Variants in TGS1 observed in about 807,000 individuals in gnomAD.
TGS1 encodes trimethylguanosine synthase.
In TGS1, 69 loss-of-function variants were observed where a neutral mutation model predicts 92.2. The observed-to-expected ratio is 0.75, with a 90% CI of 0.62 to 0.91. The LOEUF (loss-of-function observed/expected upper bound fraction) is 0.91. TGS1 is among the 40% of genes least tolerant of loss of function. The pLI is 0.00. For synonymous variants in TGS1, 345 were observed against 338.1 expected (o/e 1.02, Z -0.22); for missense variants, 1,062 against 1,001.2 (o/e 1.06, Z -0.82).
At chr8:55,781,925 G>A (rs1811575159) in intron 1 of TGS1, among the ~76,000 whole-genome samples, 1 of 152,110 alleles carries the variant, frequency 6.6e-6, no homozygotes, top group African/African-American at 2.4e-5. Flanking sequence ...TTTTTCTTAA[G>A]TATTCTGTTA....
intron 1 of TGS1, among the ~76,000 whole-genome samples, chr8:55,779,956 A>C (rs2130106127): frequency 6.7e-6 from 1 of 150,312 alleles, no homozygotes; most frequent in East Asian, 2.0e-4. Flanking sequence ...CTCTGGGTTC[A>C]AGCAGTTCTC....
intron 10 of TGS1, among the ~76,000 whole-genome samples, chr8:55,808,947 A>C (rs944386033): frequency 6.6e-6 from 1 of 152,192 alleles, no homozygotes; most frequent in Non-Finnish European, 1.5e-5. Context: ...GGAATTCAAA[A>C]CAGTTAAAGT....
intron 4 of TGS1, among the ~76,000 whole-genome samples, chr8:55,787,883 AAG>A (rs201614625): frequency 8.6e-6 from 1 of 116,190 alleles, no homozygotes; most frequent in African/African-American, 3.4e-5. Context: ...GCCACATGGC[AAG>A]AGAGAGAGCA....
chr8:55,788,071 A>G (rs1394245066), intron 4 of TGS1, among the ~76,000 whole-genome samples: 1 of 152,240 alleles, frequency 6.6e-6, no homozygotes, highest in Non-Finnish European at 1.5e-5. Context: ...AGAGGGGACA[A>G]ACATCCAAAC....
intron 1 of TGS1, among the ~76,000 whole-genome samples, chr8:55,779,207 T>A (rs1015716012): frequency 1.3e-5 from 2 of 152,180 alleles, no homozygotes; most frequent in African/African-American, 4.8e-5. Flanking sequence ...ATAATGGAAA[T>A]TCTTCAAATG....
intron 12 of TGS1, among the ~76,000 whole-genome samples, chr8:55,819,353 A>T (rs1331980718): frequency 7.3e-6 from 1 of 137,924 alleles, no homozygotes; most frequent in East Asian, 2.1e-4. Flanking sequence ...CTGGAGTGCA[A>T]TGGCCTGATC....
At chr8:55,791,525 T>C (rs189123859) in intron 5 of TGS1, among the ~76,000 whole-genome samples, 1 of 152,344 alleles carries the variant, frequency 6.6e-6, no homozygotes, top group East Asian at 1.9e-4. Context: ...TATTCCTGAA[T>C]TTGTAGCCTT....
intron 10 of TGS1, among the ~76,000 whole-genome samples, chr8:55,808,236 G>T (rs774018904): frequency 2.6e-5 from 4 of 152,152 alleles, no homozygotes; most frequent in Non-Finnish European, 4.4e-5. Flanking sequence ...GAGAGTAGTG[G>T]TTATTTTCCT....
chr8:55,824,422 A>G lies in TGS1; in HGVS notation c.2440-159A>G, dbSNP rs73603165. Among the ~76,000 whole-genome samples, 869 of 152,318 alleles carry G rather than the reference A, an allele frequency of 5.7e-3. 10 individuals are homozygous for G. The highest frequency in any genetic ancestry group is 0.02 in the African/African-American group (815 of 41,566). On this transcript the variant is annotated intron_variant, in intron 12 of 12. Coordinates refer to ENST00000260129, the MANE Select transcript of TGS1 (RefSeq NM_024831.8). ...AAGTATTCCCACCTCCAAATATTGC[A>G]TCGATGCCTGGGAAGTAGCAGTGAA...
intron 5 of TGS1, among the ~76,000 whole-genome samples, chr8:55,792,366 A>G (rs1489574248): frequency 2.0e-5 from 3 of 152,030 alleles, no homozygotes; most frequent in Non-Finnish European, 4.4e-5. Flanking sequence ...TCACTTTAGG[A>G]GATTAATTTA....
intron 12 of TGS1, among the ~76,000 whole-genome samples, chr8:55,814,605 C>G (rs1248829238): frequency 4.0e-5 from 6 of 149,038 alleles, no homozygotes; most frequent in Non-Finnish European, 8.9e-5. Context: ...AGGCAGATCG[C>G]TTGAGGCCAG....
intron 8 of TGS1, among the ~76,000 whole-genome samples, chr8:55,801,172 C>G (rs116842549): frequency 1.5e-3 from 233 of 152,310 alleles, no homozygotes; most frequent in Non-Finnish European, 2.8e-3. Flanking sequence ...AGTGTCTTGG[C>G]TAACAGAAGT....
Position 55,811,098 on chromosome 8 carries a change from AT to A in TGS1, c.2360+2del. 1 of 1,535,692 alleles carries A rather than the reference AT, an allele frequency of 6.5e-7. No homozygotes were observed. Among genetic ancestry groups the A allele is most frequent in the Non-Finnish European group, 8.8e-7 (1 of 1,130,320 alleles). Reference sequence around the variant, plus strand: ...TTAGAACAATGATGTCTCCTGATGGATATCCTTTGGAAGTCTTAAGAGTTTA... The same window carrying A: ...TTAGAACAATGATGTCTCCTGATGGAATCCTTTGGAAGTCTTAAGAGTTTA... On this transcript the variant is annotated splice_donor_variant, in intron 11 of 12. Transcript: ENST00000260129. LOFTEE classifies it high-confidence loss of function.
intron 8 of TGS1, among the ~76,000 whole-genome samples, chr8:55,802,010 C>T (rs1322497285): frequency 2.6e-5 from 4 of 152,120 alleles, no homozygotes; most frequent in Non-Finnish European, 4.4e-5. Context: ...CTGACTAACA[C>T]GGTGAAACCC....
At position 55,825,735 on chromosome 8, in the gene TGS1, T is replaced by C. The variant is rs1441684357; in HGVS notation, c.*1032T>C. Among the ~76,000 whole-genome samples the C allele has an allele frequency of 6.6e-6, 1 of 152,254 alleles. No individual in the cohort carries two copies. The highest frequency in any genetic ancestry group is 1.9e-4 in the East Asian group (1 of 5,206). Reference sequence around the variant, plus strand: ...TTGGAATATGCTAATTTTAGTGTCTTGAAAGTTTACAATTTATCTGATTGC... The same window carrying C: ...TTGGAATATGCTAATTTTAGTGTCTCGAAAGTTTACAATTTATCTGATTGC... On this transcript the variant is annotated 3_prime_UTR_variant, in exon 13 of 13. Coordinates refer to ENST00000260129, the MANE Select transcript of TGS1 (RefSeq NM_024831.8).
At chr8:55,813,201 A>C (rs1360972352) in intron 12 of TGS1, 83 bp downstream of exon 12, 1 of 982,520 alleles carries the variant, frequency 1.0e-6, no homozygotes, top group Non-Finnish European at 1.6e-6. Context: ...TATCCTTACC[A>C]GAGAATGTGT....
chr8:55,777,055 T>G (rs1811421431), intron 1 of TGS1, among the ~76,000 whole-genome samples: 1 of 152,100 alleles, frequency 6.6e-6, no homozygotes, highest in Non-Finnish European at 1.5e-5. Flanking sequence ...TCACCCAGGC[T>G]GGAGTGCAAT....
chr8:55,787,031 G>C lies in TGS1; in HGVS notation c.1133G>C (p.Gly378Ala). Residue 378 changes from glycine to alanine, a missense_variant, in exon 4 of 13, where the codon GGG becomes GCG. By Grantham distance (60) the Gly-to-Ala change is moderately conservative (BLOSUM62 0). Transcript: ENST00000260129. ...ACCAATGAGGAAAGCAACTCATCGG[G>C]GAATACAAACACAGACCCACCAGCT... ...GGTNEESNSSGNTNTDPPAED... is the reference protein window; with the variant it reads ...GGTNEESNSSANTNTDPPAED... 6.2e-7 allele frequency: 1 copy of C among 1,613,454 alleles called. No homozygotes were observed. The highest frequency in any genetic ancestry group is 8.5e-7 in the Non-Finnish European group (1 of 1,179,682).
intron 10 of TGS1, among the ~76,000 whole-genome samples, chr8:55,808,064 A>G (rs1361532038): frequency 6.6e-6 from 1 of 152,182 alleles, no homozygotes; most frequent in Non-Finnish European, 1.5e-5. Context: ...CTTTAATCAA[A>G]TTGCACTGAA....
Sources: allele counts gnomAD v4.1 joint callset (sites outside exome capture counted in the v4.1 genomes callset), GRCh38; gene constraint gnomAD v4.1.1; transcripts MANE v1.5; gene names NCBI Gene and HGNC (gene_info 2026-07-23, HGNC 2026-07-21).